GTSF1L: variants seen among roughly 807,000 people sequenced by gnomAD.
GTSF1L encodes gametocyte specific factor 1 like, also known as gametocyte-specific factor 1-like.
GTSF1L carries 1 observed loss-of-function variant against 1.1 expected under a neutral mutation model. The ratio of observed to expected loss-of-function variants is 0.90; its 90% CI spans 0.32 to 4.28. GTSF1L has a LOEUF of 4.28. Among genes scored for constraint, GTSF1L ranks in the 30% most tolerant of loss-of-function variants. The pLI is 0.17. For missense variants in GTSF1L, 169 were observed against 181.9 expected, an observed-to-expected ratio of 0.93 and a Z score of 0.41; for synonymous variants, 62 against 69.3, an observed-to-expected ratio of 0.89 and a Z score of 0.53.
rs754528433 is a variant in GTSF1L at position 43,726,460 on chromosome 20, T to C, written c.235A>G (p.Lys79Glu). 3.7e-6 allele frequency: 6 copies of C among 1,614,050 alleles called. No individual in the cohort carries two copies. Among genetic ancestry groups the C allele is most frequent in the Non-Finnish European group, 4.2e-6 (5 of 1,180,000 alleles). ...TGCTCTGAACTAGGAGGACTGACTT[T>C]CAGAGGGTTCTCGGTGTCCTCTTCT... is the stretch of plus-strand genomic sequence containing the variant. The part of the protein sequence containing the change: ...VEEEDTENPL[K>E]VSPPSSEQND... The change falls in exon 1 of 1, where the codon AAA becomes GAA. Residue 79 changes from lysine to glutamate, a missense_variant. By Grantham distance (56) the Lys-to-Glu change is moderately conservative. Coordinates refer to ENST00000373003, the MANE Select transcript of GTSF1L (RefSeq NM_176791.4).
At position 43,726,252 on chromosome 20, in the gene GTSF1L, T is replaced by G. The variant is rs555954352; in HGVS notation, c.443A>C (p.Gln148Pro). 44 of 1,603,480 alleles carry G rather than the reference T, an allele frequency of 2.7e-5. No individual in the cohort carries two copies. The highest frequency in any genetic ancestry group is 1.5e-4 in the Admixed American group (9 of 59,142). ...GCTCCTTCCTCAGCTGGCAGTTTAC[T>G]GTCCTGGTCTGAGGATCTTCTGGGG... ...TSPQKILRPGQ is the reference protein window; with the variant it reads ...TSPQKILRPGP The change falls in exon 1 of 1, where the codon CAG (glutamine) becomes CCG (proline). Residue 148 changes from glutamine to proline, a missense_variant. By Grantham distance (76) the Gln-to-Pro change is moderately conservative (BLOSUM62 -1). Coordinates refer to ENST00000373003, the MANE Select transcript of GTSF1L (RefSeq NM_176791.4).
Position 43,726,716 on chromosome 20 carries a change from A to AAT in GTSF1L, c.-23_-22insAT, listed in dbSNP as rs1345686685. 25 of 1,490,446 alleles carry AAT rather than the reference A, an allele frequency of 1.7e-5. No homozygotes were observed. The highest frequency in any genetic ancestry group is 1.8e-5 in the Non-Finnish European group (20 of 1,099,734). 92.3% of individuals were successfully genotyped at this position (1,490,446 alleles called of 1,614,324 possible). A position where few individuals can be genotyped will look rare whatever the true frequency, so the allele number is the denominator to read the frequency against. On this transcript the variant is annotated 5_prime_UTR_variant, in exon 1 of 1. Transcript: ENST00000373003. ...CCATGAGAAATTCTTGAAGCAGGGT[A>AAT]TCTCACTGCTAGAGTCTAACGGAAA... is the stretch of plus-strand genomic sequence containing the variant.
Position 43,726,736 on chromosome 20 carries a change from C to T in GTSF1L, c.-42G>A, listed in dbSNP as rs758285202. On this transcript the variant is annotated 5_prime_UTR_variant, in exon 1 of 1. Coordinates refer to ENST00000373003, the MANE Select transcript of GTSF1L (RefSeq NM_176791.4). ...AGGGTATCTCACTGCTAGAGTCTAA[C>T]GGAAATGCTTCTTGTGGAGAAGCCC... 60 of 1,409,084 alleles carry T rather than the reference C, an allele frequency of 4.3e-5. 1 individual carries two copies. The South Asian group carries it at 4.8e-4, about 11-fold the overall frequency. The allele number at this position is 1,409,084 out of a possible 1,614,324, so 87.3% of individuals were successfully genotyped here.
Position 43,726,635 on chromosome 20 carries a change from G to T in GTSF1L, c.60C>A (p.Ser20Arg). The change falls in exon 1 of 1, where the codon AGC (serine) becomes AGA (arginine). Residue 20 changes from serine to arginine, a missense_variant. Physicochemically the swap from Ser to Arg is moderately radical, Grantham distance 110. Transcript: ENST00000373003. ...PYDPHHRIPL[S>R]RFQYHLASCR... Reference sequence around the variant, plus strand: ...ACGATGCCAGGTGGTACTGGAATCTGCTGAGTGGGATTCGGTGGTGAGGAT... The same window carrying T: ...ACGATGCCAGGTGGTACTGGAATCTTCTGAGTGGGATTCGGTGGTGAGGAT... 2 of 1,611,544 alleles carry T rather than the reference G, an allele frequency of 1.2e-6. No individual in the cohort carries two copies. The highest frequency in any genetic ancestry group is 3.4e-5 in the Admixed American group (2 of 59,480).
chr20:43,726,766 G>A lies in GTSF1L; in HGVS notation c.-72C>T, dbSNP rs1568893678. The A allele has an allele frequency of 1.7e-6, 2 of 1,185,112 alleles. No individual in the cohort carries two copies. Among genetic ancestry groups the A allele is most frequent in the Admixed American group, 2.3e-5 (1 of 43,562 alleles). 73.4% of individuals were successfully genotyped at this position (1,185,112 alleles called of 1,614,324 possible). Reference sequence around the variant, plus strand: ...ATGCTTCTTGTGGAGAAGCCCTTTTGTAAGAAGGATGGAGTTGTCCTCTGC... The same window carrying A: ...ATGCTTCTTGTGGAGAAGCCCTTTTATAAGAAGGATGGAGTTGTCCTCTGC... On this transcript the variant is annotated 5_prime_UTR_variant, in exon 1 of 1. Coordinates refer to ENST00000373003, the MANE Select transcript of GTSF1L (RefSeq NM_176791.4).
chr20:43,726,418 G>T lies in GTSF1L; in HGVS notation c.277C>A (p.Gln93Lys). ...PSSEQNDDTQ[Q>K]VSPCLPSPDI... ...GGGCTGGGAAGGCAGGGTGAGACCT[G>T]CTGGGTGTCATCGTTCTGCTCTGAA... is the stretch of plus-strand genomic sequence containing the variant. The change falls in exon 1 of 1, where the codon CAG (glutamine) becomes AAG (lysine). Residue 93 changes from glutamine (Q) to lysine (K), a missense_variant. By Grantham distance (53) the Gln-to-Lys change is moderately conservative. Coordinates refer to ENST00000373003, the MANE Select transcript of GTSF1L (RefSeq NM_176791.4). 6.2e-7 allele frequency: 1 copy of T among 1,614,084 alleles called. No homozygotes were observed. Among genetic ancestry groups the T allele is most frequent in the Non-Finnish European group, 8.5e-7 (1 of 1,180,026 alleles).
chr20:43,726,188 G>A lies in GTSF1L; in HGVS notation c.*60C>T, dbSNP rs1233279081. On this transcript the variant is annotated 3_prime_UTR_variant, in exon 1 of 1. Transcript: ENST00000373003. ...GTTTACTTTGCATGTCTTTTATTCT[G>A]ATGCATTGCACGTTCTTCCATGCAT... 8.3e-7 allele frequency: 1 copy of A among 1,206,082 alleles called. No individual in the cohort carries two copies. The highest frequency in any genetic ancestry group is 2.3e-5 in the East Asian group (1 of 42,696). The allele number at this position is 1,206,082 out of a possible 1,614,324, so 74.7% of individuals were successfully genotyped here.
rs755081341 is a variant in GTSF1L, at chr20:43,726,234, C to T, written c.*14G>A. ...TGCATTGATGAGGCGTGTGCTCCTT[C>T]CTCAGCTGGCAGTTTACTGTCCTGG... On this transcript the variant is annotated 3_prime_UTR_variant, in exon 1 of 1. Transcript: ENST00000373003. The T allele has an allele frequency of 7.6e-6, 12 of 1,584,868 alleles. No homozygotes were observed. The East Asian group carries it at 2.7e-4, about 36-fold the overall frequency.
rs146189774 is a variant in GTSF1L, at chr20:43,726,630, A to T, written c.65T>A (p.Phe22Tyr). The change falls in exon 1 of 1, where the codon TTC becomes TAC. Residue 22 changes from phenylalanine to tyrosine, a missense_variant. Coordinates refer to ENST00000373003, the MANE Select transcript of GTSF1L (RefSeq NM_176791.4). ...DPHHRIPLSR[F>Y]QYHLASCRRK... is the part of the protein sequence containing the mutation. ...CCTGCACGATGCCAGGTGGTACTGG[A>T]ATCTGCTGAGTGGGATTCGGTGGTG... 2,253 of 1,612,862 alleles carry T rather than the reference A, an allele frequency of 1.4e-3. 38 individuals are homozygous for T. The African/African-American group carries it at 0.026, about 19-fold the overall frequency.
Position 43,726,699 on chromosome 20 carries a change from A to G in GTSF1L, c.-5T>C, listed in dbSNP as rs567688731. 7.7e-6 allele frequency: 12 copies of G among 1,549,594 alleles called. No homozygotes were observed. Among genetic ancestry groups the G allele is most frequent in the African/African-American group, 5.5e-5 (4 of 72,362 alleles). The stretch of plus-strand genomic sequence containing the variant: ...TTCAAAGGCTTCTGGCTCCATGAGA[A>G]ATTCTTGAAGCAGGGTATCTCACTG... On this transcript the variant is annotated 5_prime_UTR_variant, in exon 1 of 1. Transcript: ENST00000373003.
In GTSF1L at chr20:43,726,367, T is replaced by C; in HGVS notation, c.328A>G (p.Asn110Asp). 6.2e-7 allele frequency: 1 copy of C among 1,614,076 alleles called. No individual in the cohort carries two copies. The highest frequency in any genetic ancestry group is 8.5e-7 in the Non-Finnish European group (1 of 1,180,026). The change falls in exon 1 of 1, where the codon AAT becomes GAT. Residue 110 changes from asparagine (N) to aspartate (D), a missense_variant. Asn to Asp is a conservative substitution (Grantham distance 23). Transcript: ENST00000373003. ...TTAAGGACAAACACATGCTGGCAAT[T>C]AGCGCCATCGACATTCCAGATATCG... ...SPDIWNVDGA[N>D]CQHVFVLKTF...
Position 43,726,748 on chromosome 20 carries a change from T to TCCACAAGAAGCA in GTSF1L, c.-55_-54insTGCTTCTTGTGG. On this transcript the variant is annotated 5_prime_UTR_variant, in exon 1 of 1. It adds an upstream start codon to the 5' untranslated region. Transcript: ENST00000373003. ...TGCTAGAGTCTAACGGAAATGCTTC[T>TCCACAAGAAGCA]TGTGGAGAAGCCCTTTTGTAAGAAG... 1 of 1,343,842 alleles carries TCCACAAGAAGCA rather than the reference T, an allele frequency of 7.4e-7. No individual in the cohort carries two copies. The highest frequency in any genetic ancestry group is 1.0e-6 in the Non-Finnish European group (1 of 975,620). The allele number at this position is 1,343,842 out of a possible 1,614,324, so 83.2% of individuals were successfully genotyped here.
In GTSF1L at chr20:43,726,257, T is replaced by C. The variant is rs140618389; in HGVS notation, c.438A>G (p.Pro146=). The C allele has an allele frequency of 2.6e-3, 4,137 of 1,609,978 alleles. 4 individuals carry two copies. The highest frequency in any genetic ancestry group is 3.0e-3 in the Non-Finnish European group (3,523 of 1,176,960). Reference sequence around the variant, plus strand: ...TTCCTCAGCTGGCAGTTTACTGTCCTGGTCTGAGGATCTTCTGGGGACTGG... The same window carrying C: ...TTCCTCAGCTGGCAGTTTACTGTCCCGGTCTGAGGATCTTCTGGGGACTGG... ...RETSPQKILR[P]GQ is the part of the protein sequence containing the mutation. The change falls in exon 1 of 1, where the codon CCA becomes CCG. Residue 146 remains proline, a synonymous_variant. Coordinates refer to ENST00000373003, the MANE Select transcript of GTSF1L (RefSeq NM_176791.4).
At position 43,726,230 on chromosome 20, in the gene GTSF1L, C is replaced by T. The variant is rs780153957; in HGVS notation, c.*18G>A. ...TCCATGCATTGATGAGGCGTGTGCT[C>T]CTTCCTCAGCTGGCAGTTTACTGTC... On this transcript the variant is annotated 3_prime_UTR_variant, in exon 1 of 1. Transcript: ENST00000373003. 2 of 1,575,832 alleles carry T rather than the reference C, an allele frequency of 1.3e-6. No individual in the cohort carries two copies. The highest frequency in any genetic ancestry group is 1.7e-5 in the Admixed American group (1 of 57,790).
rs781049583 is a variant in GTSF1L, at chr20:43,726,462, A to G, written c.233T>C (p.Leu78Pro). ...AVEEEDTENP[L>P]KVSPPSSEQN... ...CTCTGAACTAGGAGGACTGACTTTC[A>G]GAGGGTTCTCGGTGTCCTCTTCTTC... Residue 78 changes from leucine to proline, a missense_variant, in exon 1 of 1, where the codon CTG (leucine) becomes CCG (proline). Transcript: ENST00000373003. 1 of 1,614,042 alleles carries G rather than the reference A, an allele frequency of 6.2e-7. No homozygotes were observed. The highest frequency in any genetic ancestry group is 8.5e-7 in the Non-Finnish European group (1 of 1,180,000).
chr20:43,726,292 C>T lies in GTSF1L; in HGVS notation c.403G>A (p.Ala135Thr). 5 of 1,614,068 alleles carry T rather than the reference C, an allele frequency of 3.1e-6. No homozygotes were observed. The highest frequency in any genetic ancestry group is 4.2e-6 in the Non-Finnish European group (5 of 1,179,952). Reference protein sequence around the residue: ...VVCENDTKESARETSPQKILR... With the variant: ...VVCENDTKESTRETSPQKILR... ...ATCTTCTGGGGACTGGTCTCTCTTG[C>T]TGACTCTTTCGTGTCATTTTCACAA... The change falls in exon 1 of 1, where the codon GCA becomes ACA. Residue 135 changes from alanine (A) to threonine (T), a missense_variant. By Grantham distance (58) the Ala-to-Thr change is moderately conservative. Transcript: ENST00000373003.
At position 43,726,589 on chromosome 20, in the gene GTSF1L, T is replaced by G. The variant is rs1352874910; in HGVS notation, c.106A>C (p.Lys36Gln). Residue 36 changes from lysine (K) to glutamine (Q), a missense_variant, in exon 1 of 1, where the codon AAA becomes CAA. Lys to Gln is a moderately conservative substitution (Grantham distance 53, BLOSUM62 1). Coordinates refer to ENST00000373003, the MANE Select transcript of GTSF1L (RefSeq NM_176791.4). ...LASCRRKNPK[K>Q]AKKMATCKYN... Reference sequence around the variant, plus strand: ...TTGCAGGTGGCCATCTTTTTGGCTTTCTTGGGGTTCTTTCTCCTGCACGAT... The same window carrying G: ...TTGCAGGTGGCCATCTTTTTGGCTTGCTTGGGGTTCTTTCTCCTGCACGAT... 1 of 1,614,012 alleles carries G rather than the reference T, an allele frequency of 6.2e-7. No individual in the cohort carries two copies. The highest frequency in any genetic ancestry group is 1.3e-5 in the African/African-American group (1 of 75,000).
In GTSF1L at chr20:43,726,842, G is replaced by C; in HGVS notation, c.-148C>G. On this transcript the variant is annotated 5_prime_UTR_variant, in exon 1 of 1. Transcript: ENST00000373003. ...AGGTGACGGTCTTAACTTGTGGTCT[G>C]TTCTCTAGGACTGTGAGTGGTGGAT... is the stretch of plus-strand genomic sequence containing the variant. 1 of 628,458 alleles carries C rather than the reference G, an allele frequency of 1.6e-6. No individual in the cohort carries two copies. Among genetic ancestry groups the C allele is most frequent in the Non-Finnish European group, 2.8e-6 (1 of 352,084 alleles). 38.9% of individuals were successfully genotyped at this position (628,458 alleles called of 1,614,324 possible). A position where few individuals can be genotyped will look rare whatever the true frequency, so the allele number is the denominator to read the frequency against.
chr20:43,726,357 T>C lies in GTSF1L; in HGVS notation c.338A>G (p.His113Arg). Residue 113 changes from histidine to arginine, a missense_variant, in exon 1 of 1, where the codon CAT (histidine) becomes CGT (arginine). Physicochemically the swap from His to Arg is conservative, Grantham distance 29 (BLOSUM62 0). Coordinates refer to ENST00000373003, the MANE Select transcript of GTSF1L (RefSeq NM_176791.4). ...IWNVDGANCQ[H>R]VFVLKTFFPQ... The stretch of plus-strand genomic sequence containing the variant: ...AAAAAAAGTCTTAAGGACAAACACA[T>C]GCTGGCAATTAGCGCCATCGACATT... 1 of 1,614,108 alleles carries C rather than the reference T, an allele frequency of 6.2e-7. No individual in the cohort carries two copies. Among genetic ancestry groups the C allele is most frequent in the Non-Finnish European group, 8.5e-7 (1 of 1,180,036 alleles).
Sources: allele counts gnomAD v4.1 joint callset, GRCh38; gene constraint gnomAD v4.1.1; transcripts MANE v1.5; gene names NCBI Gene and HGNC (gene_info 2026-07-23, HGNC 2026-07-21).